Variants in NAV2 observed in about 807,000 individuals in gnomAD.
The protein encoded by NAV2 is helicase, APC down-regulated 1.
A neutral mutation model predicts 223.2 loss-of-function variants in NAV2; 54 were observed. The ratio of observed to expected loss-of-function variants is 0.24; its 90% CI spans 0.19 to 0.30. NAV2 has a LOEUF of 0.30. NAV2 is among the 10% of genes least tolerant of loss of function. The probability of loss-of-function intolerance (pLI) is 1.00; values close to 1 mark genes in which losing one functional copy is unlikely to be tolerated. For synonymous variants in NAV2, 1,279 were observed against 1,239.3 expected (o/e 1.03, Z -0.67); for missense variants, 2,806 against 3,147.5 (o/e 0.89, Z 2.60).
chr11:19,499,306 T>G (rs1399851393), intron 1 of NAV2, among the ~76,000 whole-genome samples: 2 of 152,242 alleles, frequency 1.3e-5, no homozygotes, highest in African/African-American at 2.4e-5. Flanking sequence ...GATAAATTGT[T>G]CCTGCTAGAG....
chr11:19,421,368 A>C (rs1340509735), intron 1 of NAV2, among the ~76,000 whole-genome samples: 1 of 152,132 alleles, frequency 6.6e-6, no homozygotes, highest in East Asian at 1.9e-4. Context: ...GTGCATGCTC[A>C]CATGTGTCCA....
intron 1 of NAV2, among the ~76,000 whole-genome samples, chr11:19,539,432 G>GT (rs998713965): frequency 6.6e-6 from 1 of 151,980 alleles, no homozygotes; most frequent in Admixed American, 6.6e-5. Context: ...TCAGGCTTGT[G>GT]TTTTTTTCTA....
At chr11:19,792,835 G>T (rs1481683473) in intron 1 of NAV2, among the ~76,000 whole-genome samples, 1 of 151,872 alleles carries the variant, frequency 6.6e-6, no homozygotes, top group Admixed American at 6.6e-5. Flanking sequence ...TTGAGACTTG[G>T]GTTGTGAGGG....
intron 1 of NAV2, among the ~76,000 whole-genome samples, chr11:19,532,210 A>C (rs1426692337): frequency 6.6e-6 from 1 of 152,194 alleles, no homozygotes; most frequent in Non-Finnish European, 1.5e-5. Context: ...GCTGCTCTGC[A>C]GGGCTTTGGT....
chr11:19,922,446 A>G (rs758989264), intron 6 of NAV2, among the ~76,000 whole-genome samples: 4 of 152,092 alleles, frequency 2.6e-5, no homozygotes, highest in Non-Finnish European at 5.9e-5. Flanking sequence ...AGGGCAAACT[A>G]TAGTTTCTCA....
At chr11:19,881,438 T>A (rs2009506) in intron 5 of NAV2, among the ~76,000 whole-genome samples, 1 of 152,078 alleles carries the variant, frequency 6.6e-6, no homozygotes. Flanking sequence ...ATGATCAGGG[T>A]GTCATTTCCC....
chr11:19,500,288 A>G (rs1178426231), intron 1 of NAV2, among the ~76,000 whole-genome samples: 2 of 152,240 alleles, frequency 1.3e-5, no homozygotes, highest in East Asian at 3.8e-4. Flanking sequence ...TGACCATGTC[A>G]TAAGAGTGAG....
intron 1 of NAV2, among the ~76,000 whole-genome samples, chr11:19,405,835 C>T (rs1323976657): frequency 6.6e-6 from 1 of 152,188 alleles, no homozygotes; most frequent in Non-Finnish European, 1.5e-5. Flanking sequence ...CTTATTAGGC[C>T]TTTGAGTAAA....
chr11:19,501,470 C>T (rs1402986139), intron 1 of NAV2, among the ~76,000 whole-genome samples: 1 of 152,102 alleles, frequency 6.6e-6, no homozygotes, highest in Non-Finnish European at 1.5e-5. Flanking sequence ...TATAATTCCA[C>T]AACTCCACTG....
chr11:20,116,965 G>T (rs940147168), intron 37 of NAV2, among the ~76,000 whole-genome samples: 1 of 152,148 alleles, frequency 6.6e-6, no homozygotes, highest in African/African-American at 2.4e-5. Context: ...AGTTGCCAAG[G>T]ATTGTCCATT....
At chr11:19,364,242 T>C (rs916019955) in intron 1 of NAV2, among the ~76,000 whole-genome samples, 28 of 152,252 alleles carry the variant, frequency 1.8e-4, no homozygotes, top group Non-Finnish European at 3.8e-4. Flanking sequence ...CTCCTATCAC[T>C]CAGGAAATTC....
chr11:20,092,442 A>G, intron 28 of NAV2, 74 bp downstream of exon 28: 4 of 1,473,324 alleles, frequency 2.7e-6, no homozygotes, highest in Non-Finnish European at 3.7e-6. Context: ...GAGAACCCCA[A>G]AATAAGCAGA....
chr11:19,944,918 C>CTTTCT (rs377140668), intron 8 of NAV2, among the ~76,000 whole-genome samples: 9 of 142,466 alleles, frequency 6.3e-5, no homozygotes, highest in African/African-American at 1.6e-4. Context: ...CCTTCTCTTT[C>CTTTCT]TTTCTTTTCT....
At chr11:19,710,555 G>A (rs1754843371), upstream of NAV2, among the ~76,000 whole-genome samples, 1 of 152,204 alleles carries the variant, frequency 6.6e-6, no homozygotes, top group Non-Finnish European at 1.5e-5. Context: ...CAGGGCTTTT[G>A]ATTCAATAGG....
intron 1 of NAV2, among the ~76,000 whole-genome samples, chr11:19,674,111 G>T (rs2048651102): frequency 6.6e-6 from 1 of 152,194 alleles, no homozygotes; most frequent in Non-Finnish European, 1.5e-5. Context: ...TGTGGAAGGA[G>T]CTTTTGGCTA....
At chr11:20,097,236 T>G (rs1384737270) in intron 30 of NAV2, among the ~76,000 whole-genome samples, 2 of 152,200 alleles carry the variant, frequency 1.3e-5, no homozygotes, top group Non-Finnish European at 2.9e-5. Context: ...TCCAGCACCA[T>G]TCACAGGCCC....
Position 19,933,577 on chromosome 11 carries a change from G to A in NAV2, c.1333G>A (p.Ala445Thr), listed in dbSNP as rs143571074. 264 of 1,610,738 alleles carry A rather than the reference G, an allele frequency of 1.6e-4. No homozygotes were observed. Among genetic ancestry groups the A allele is most frequent in the Non-Finnish European group, 2.1e-4 (244 of 1,177,722 alleles). Residue 445 changes from alanine (A) to threonine (T), a missense_variant, in exon 7 of 38, where the codon GCC becomes ACC. By Grantham distance (58) the Ala-to-Thr change is moderately conservative. Around this residue, in one of 4 missense-constraint regions of NAV2, gnomAD observed 1,167 missense variants for 1,180.5 expected, o/e 0.99. Coordinates refer to ENST00000349880, the MANE Select transcript of NAV2 (RefSeq NM_145117.5). The surrounding 1 kb of genome is among the most constrained non-coding windows in gnomAD (Gnocchi z 4.3). ...CGAAGAGAGCGAGGAGCTGGAGGCCGCCAGTCGCATGCTCACCACCGTGGG... is the reference window on the plus strand; with the variant it reads ...CGAAGAGAGCGAGGAGCTGGAGGCCACCAGTCGCATGCTCACCACCGTGGG... ...SFEESEELEA[A>T]SRMLTTVGPA... is the part of the protein sequence containing the mutation.
At chr11:19,469,839 G>A (rs993891772) in intron 1 of NAV2, among the ~76,000 whole-genome samples, 10 of 152,184 alleles carry the variant, frequency 6.6e-5, no homozygotes, top group Non-Finnish European at 5.9e-5. Flanking sequence ...GGCAGCTTCG[G>A]CTGGCAAGCA....
chr11:20,082,414 T>A (rs1408930035), intron 25 of NAV2, among the ~76,000 whole-genome samples: 1 of 152,208 alleles, frequency 6.6e-6, no homozygotes, highest in African/African-American at 2.4e-5. Flanking sequence ...GGGAGGAACA[T>A]GCCCCCAGTG....
Sources: allele counts gnomAD v4.1 joint callset (sites outside exome capture counted in the v4.1 genomes callset), GRCh38; gene constraint gnomAD v4.1.1; regional missense constraint gnomAD v4.1.1; non-coding constraint Gnocchi (gnomAD v3.1); transcripts MANE v1.5; gene names NCBI Gene and HGNC (gene_info 2026-07-23, HGNC 2026-07-21).